TSC22D3: variants seen among roughly 807,000 people sequenced by gnomAD.
TSC22D3 encodes the protein TSC22 domain family protein 3.
A neutral mutation model predicts 11.1 loss-of-function variants in TSC22D3; 4 were observed. The ratio of observed to expected loss-of-function variants is 0.36; its 90% CI spans 0.18 to 0.83. TSC22D3 has a LOEUF of 0.83. Among genes scored for constraint, TSC22D3 ranks in the 40% least tolerant of loss-of-function variants. The pLI is 0.48. For synonymous variants in TSC22D3, 77 were observed against 70.3 expected, an observed-to-expected ratio of 1.10 and a Z score of -0.48; for missense variants, 118 against 159.4, an observed-to-expected ratio of 0.74 and a Z score of 1.40.
intron 1 of TSC22D3, among the ~76,000 whole-genome samples, chrX:107,739,198 G>A (rs909547951): frequency 8.9e-6 from 1 of 112,911 alleles, no homozygotes; most frequent in African/African-American, 3.2e-5. Flanking sequence ...ACCTCCATTC[G>A]TGAAGACCTA....
intron 1 of TSC22D3, among the ~76,000 whole-genome samples, chrX:107,724,742 G>A (rs912802563): frequency 2.2e-4 from 25 of 112,353 alleles, no homozygotes; most frequent in African/African-American, 7.2e-4. Flanking sequence ...AGATGGACAC[G>A]GGGGAACCAA....
chrX:107,733,318 G>A lies in TSC22D3; in HGVS notation c.321-17368C>T, dbSNP rs561960154. Among the ~76,000 whole-genome samples the A allele has an allele frequency of 9.7e-4, 108 of 111,904 alleles. 2 individuals carry two copies. In the South Asian group the frequency reaches 0.038, roughly 40 times the overall value. ...AGCATGCGCACTTTCTACATGGCAA[G>A]ACCCTGGACAAATATTAGGGATTAT... is the stretch of plus-strand genomic sequence containing the variant. On this transcript the variant is annotated intron_variant, in intron 1 of 2. Coordinates refer to ENST00000372383, the MANE Select transcript of TSC22D3 (RefSeq NM_198057.3).
intron 2 of TSC22D3, among the ~76,000 whole-genome samples, chrX:107,715,493 G>A (rs1039915665): frequency 8.9e-6 from 1 of 112,326 alleles, no homozygotes; most frequent in African/African-American, 3.2e-5. Context: ...GGGGTGCTTC[G>A]CTTCCTGTTT....
chrX:107,745,320 G>A (rs1264311507), intron 1 of TSC22D3, among the ~76,000 whole-genome samples: 1 of 112,111 alleles, frequency 8.9e-6, no homozygotes, highest in Non-Finnish European at 1.9e-5. Context: ...TCCAGAAGTG[G>A]CAGTCTCCCC....
chrX:107,770,957 C>T (rs1929882845), intron 1 of TSC22D3, among the ~76,000 whole-genome samples: 1 of 112,255 alleles, frequency 8.9e-6, no homozygotes, highest in South Asian at 3.7e-4. Flanking sequence ...AGTCCCCTAA[C>T]AACAGGGTGA....
intron 1 of TSC22D3, among the ~76,000 whole-genome samples, chrX:107,752,679 G>A (rs928642195): frequency 3.6e-5 from 4 of 111,496 alleles, no homozygotes; most frequent in South Asian, 3.8e-4. Context: ...GTCCCTTTGC[G>A]TTGGAGAGGT....
chrX:107,770,650 G>A (rs1312918313), intron 1 of TSC22D3, among the ~76,000 whole-genome samples: 2 of 111,497 alleles, frequency 1.8e-5, no homozygotes, highest in Non-Finnish European at 3.8e-5. Context: ...GACCACACTA[G>A]CCAGGTACGC....
intron 1 of TSC22D3, among the ~76,000 whole-genome samples, chrX:107,735,589 C>T (rs1357566015): frequency 4.5e-5 from 5 of 110,683 alleles, no homozygotes; most frequent in East Asian, 2.9e-4. Flanking sequence ...CCATGCCAGG[C>T]GACGGCTCCT....
At chrX:107,739,345 C>T (rs1928287116) in intron 1 of TSC22D3, among the ~76,000 whole-genome samples, 1 of 112,984 alleles carries the variant, frequency 8.9e-6, no homozygotes, top group South Asian at 3.6e-4. Flanking sequence ...TTAACTGGCA[C>T]TTCAATGCTG....
Position 107,714,554 on chromosome X carries a change from G to C in TSC22D3, c.568C>G (p.Gln190Glu). ...SPEEPAPESPQVPEAPGGSAV is the reference protein window; with the variant it reads ...SPEEPAPESPEVPEAPGGSAV ...GAACCACCAGGGGCCTCGGGCACTT[G>C]TGGGGATTCGGGAGCTGGCTCTTCA... Residue 190 changes from glutamine to glutamate, a missense_variant, in exon 3 of 3, where the codon CAA (glutamine) becomes GAA (glutamate). Physicochemically the swap from Gln to Glu is conservative, Grantham distance 29. Coordinates refer to ENST00000372383, the MANE Select transcript of TSC22D3 (RefSeq NM_198057.3). The C allele has an allele frequency of 8.3e-7, 1 of 1,211,666 alleles. No individual in the cohort carries two copies. The highest frequency in any genetic ancestry group is 1.1e-6 in the Non-Finnish European group (1 of 895,460).
chrX:107,750,352 A>G (rs927666783), intron 1 of TSC22D3, among the ~76,000 whole-genome samples: 6 of 109,847 alleles, frequency 5.5e-5, no homozygotes, highest in Non-Finnish European at 1.1e-4. Context: ...CATCCCTGGC[A>G]TGGTGAGAAG....
At chrX:107,767,652 G>A (rs1929729256) in intron 1 of TSC22D3, among the ~76,000 whole-genome samples, 1 of 112,072 alleles carries the variant, frequency 8.9e-6, no homozygotes, top group African/African-American at 3.2e-5. Context: ...ATGGTAGACA[G>A]TGGCCTCCAA....
At chrX:107,738,592 G>T (rs191329089) in intron 1 of TSC22D3, among the ~76,000 whole-genome samples, 2 of 113,154 alleles carry the variant, frequency 1.8e-5, no homozygotes, top group Admixed American at 9.2e-5. Flanking sequence ...TTTCATGGGC[G>T]AGATGTTTCT....
At chrX:107,735,754 T>A (rs1928107923) in intron 1 of TSC22D3, among the ~76,000 whole-genome samples, 1 of 107,882 alleles carries the variant, frequency 9.3e-6, no homozygotes, top group African/African-American at 3.4e-5. Flanking sequence ...GCTCTCAGAA[T>A]GCCATTCTTC....
chrX:107,750,009 G>A (rs1569452555), intron 1 of TSC22D3, among the ~76,000 whole-genome samples: 1 of 111,780 alleles, frequency 8.9e-6, no homozygotes, highest in African/African-American at 3.3e-5. Flanking sequence ...ATCCAAGGGG[G>A]GCATGGTGGC....
chrX:107,718,044 G>C (rs1461038889), intron 1 of TSC22D3, among the ~76,000 whole-genome samples: 1 of 111,977 alleles, frequency 8.9e-6, no homozygotes, highest in East Asian at 2.8e-4. Flanking sequence ...CCTGTGATGG[G>C]CCCAGCCATG....
Position 107,740,563 on chromosome X carries a change from A to G in TSC22D3, c.321-24613T>C, listed in dbSNP as rs766937530. ...TGCCACTGCACTCCAGCCTGGCGAC[A>G]GAGCAAGACTCAGTCTAAAAAAAAA... is the stretch of plus-strand genomic sequence containing the variant. On this transcript the variant is annotated intron_variant, in intron 1 of 2. Transcript: ENST00000372383. 3.6e-5 allele frequency among the ~76,000 whole-genome samples: 4 copies of G among 110,289 alleles called. No homozygotes were observed. The South Asian group carries it at 1.2e-3, about 33-fold the overall frequency.
chrX:107,746,972 C>T (rs757852197), intron 1 of TSC22D3, among the ~76,000 whole-genome samples: 3 of 112,899 alleles, frequency 2.7e-5, no homozygotes, highest in Non-Finnish European at 5.6e-5. Context: ...GGCCTATAGA[C>T]AAGACACCAG....
chrX:107,775,440 C>T lies in TSC22D3; in HGVS notation c.-21G>A. 8.7e-7 allele frequency: 1 copy of T among 1,147,393 alleles called. No individual in the cohort carries two copies. The allele number at this position is 1,147,393 out of a possible 1,213,427, so 94.6% of individuals were successfully genotyped here. ...GCCATCTTCTCAGGCTCGGAGGTCGCCTGGCCTGCGAGGTCAGGGGCGGCT... is the reference window on the plus strand; with the variant it reads ...GCCATCTTCTCAGGCTCGGAGGTCGTCTGGCCTGCGAGGTCAGGGGCGGCT... On this transcript the variant is annotated 5_prime_UTR_variant, in exon 1 of 3. Transcript: ENST00000372383.
Sources: allele counts gnomAD v4.1 joint callset (sites outside exome capture counted in the v4.1 genomes callset), GRCh38; gene constraint gnomAD v4.1.1; transcripts MANE v1.5; gene names NCBI Gene and HGNC (gene_info 2026-07-23, HGNC 2026-07-21).